Variants in ITSN1 observed in about 807,000 individuals in gnomAD.
ITSN1 encodes intersectin-1.
Under a neutral mutation model 239.8 loss-of-function variants are expected in ITSN1, and 58 were observed. The observed-to-expected ratio is 0.24, with a 90% confidence interval of 0.20 to 0.30. ITSN1 has a LOEUF of 0.30. ITSN1 is among the 10% of genes least tolerant of loss of function. The pLI is 1.00. For missense variants in ITSN1, 1,558 were observed against 2,103.3 expected, an observed-to-expected ratio of 0.74 and a Z score of 5.07; for synonymous variants, 780 against 770.8, an observed-to-expected ratio of 1.01 and a Z score of -0.20.
rs371706072 is a variant in ITSN1, at chr21:33,811,196, T to C, written c.2541T>C (p.Pro847=). The change falls in exon 21 of 40, where the codon CCT becomes CCC. Residue 847 remains proline, a synonymous_variant. Coordinates refer to ENST00000381318, the MANE Select transcript of ITSN1 (RefSeq NM_003024.3). Reference sequence around the variant, plus strand: ...CCTCTTCAGAGCCCTCCACGACCCCTAATAACTGGGCCGACTTCAGCTCCA... The same window carrying C: ...CCTCTTCAGAGCCCTCCACGACCCCCAATAACTGGGCCGACTTCAGCTCCA... ...AVTSSEPSTT[P]NNWADFSSTW... The C allele has an allele frequency of 2.4e-5, 38 of 1,576,484 alleles. No individual in the cohort carries two copies. The highest frequency in any genetic ancestry group is 2.9e-5 in the Non-Finnish European group (34 of 1,166,842).
At chr21:33,743,982 T>TTAA (rs768038501) in intron 5 of ITSN1, among the ~76,000 whole-genome samples, 16 of 152,308 alleles carry the variant, frequency 1.1e-4, no homozygotes, top group Non-Finnish European at 1.9e-4. Flanking sequence ...AAGGAATCTA[T>TTAA]TAGAGAATGT....
At chr21:33,812,414 T>C (rs565010626) in intron 21 of ITSN1, among the ~76,000 whole-genome samples, 7 of 152,368 alleles carry the variant, frequency 4.6e-5, no homozygotes, top group African/African-American at 1.4e-4. Context: ...TTTTCAGATT[T>C]GTTTGTATAT....
chr21:33,760,158 G>A (rs756258754), intron 8 of ITSN1, among the ~76,000 whole-genome samples: 2 of 151,722 alleles, frequency 1.3e-5, no homozygotes, highest in Non-Finnish European at 2.9e-5. Context: ...AATGAATTAG[G>A]ATGTAATGAC....
intron 16 of ITSN1, among the ~76,000 whole-genome samples, chr21:33,783,003 T>C (rs1005207768): frequency 3.9e-5 from 6 of 152,022 alleles, no homozygotes; most frequent in Admixed American, 1.3e-4. Context: ...CCAGCCTGGG[T>C]GACAGAGCAA....
chr21:33,721,844 T>G (rs1037762323), intron 3 of ITSN1: 1 of 152,050 alleles, frequency 6.6e-6, no homozygotes, highest in Non-Finnish European at 1.5e-5. Context: ...GAATTCACTT[T>G]ATAAAAAGTG....
At chr21:33,763,230 A>G (rs1217538053) in intron 9 of ITSN1, among the ~76,000 whole-genome samples, 1 of 27,936 alleles carries the variant, frequency 3.6e-5, no homozygotes, top group Non-Finnish European at 7.6e-5. Flanking sequence ...CCCCCCAACC[A>G]AAAAAAAAAA....
intron 31 of ITSN1, among the ~76,000 whole-genome samples, chr21:33,860,164 G>A (rs1980201432): frequency 6.6e-6 from 1 of 151,956 alleles, no homozygotes; most frequent in Admixed American, 6.5e-5. Flanking sequence ...AAAAGTAGCC[G>A]GGTGTGGTTG....
At chr21:33,699,368 G>A (rs1260056911) in intron 1 of ITSN1, among the ~76,000 whole-genome samples, 3 of 152,114 alleles carry the variant, frequency 2.0e-5, no homozygotes, top group African/African-American at 7.2e-5. Flanking sequence ...ATAAAAATCT[G>A]TTTCAAATAA....
At chr21:33,673,474 C>G (rs182967236) in intron 1 of ITSN1, among the ~76,000 whole-genome samples, 1 of 152,286 alleles carries the variant, frequency 6.6e-6, no homozygotes. Flanking sequence ...AACAAAACAT[C>G]GTGTCATGTA....
chr21:33,684,691 A>G (rs1177734483), intron 1 of ITSN1, among the ~76,000 whole-genome samples: 1 of 152,190 alleles, frequency 6.6e-6, no homozygotes, highest in Non-Finnish European at 1.5e-5. Flanking sequence ...CCTGATATTT[A>G]TATGATTCTT....
chr21:33,680,664 A>C (rs2090895262), intron 1 of ITSN1, among the ~76,000 whole-genome samples: 3 of 136,134 alleles, frequency 2.2e-5, no homozygotes, highest in Non-Finnish European at 1.6e-5. Flanking sequence ...TCTTTAAGGA[A>C]GGTTCCAAAT....
intron 5 of ITSN1, among the ~76,000 whole-genome samples, chr21:33,737,248 C>T (rs965569452): frequency 6.6e-6 from 1 of 152,280 alleles, no homozygotes; most frequent in Non-Finnish European, 1.5e-5. Context: ...GAAAGTTTTA[C>T]AGTCGTTAAG....
chr21:33,814,192 T>A, intron 22 of ITSN1, 120 bp downstream of exon 22: 2 of 1,075,844 alleles, frequency 1.9e-6, no homozygotes, highest in South Asian at 3.4e-5. Context: ...CTTGGTTGGC[T>A]GGCAGTATGG....
intron 1 of ITSN1, among the ~76,000 whole-genome samples, chr21:33,650,972 A>G (rs1016528378): frequency 3.9e-5 from 6 of 152,232 alleles, no homozygotes; most frequent in Non-Finnish European, 1.5e-5. Flanking sequence ...TTACAGGAGG[A>G]AGAAACTTGG....
chr21:33,846,761 G>A (rs2268252), intron 29 of ITSN1, among the ~76,000 whole-genome samples: 2,385 of 152,278 alleles, frequency 0.016, 65 homozygotes, highest in Admixed American at 0.06. Context: ...TCCCTGCTGC[G>A]TGTAGCCTGG....
chr21:33,655,524 A>G (rs1473783851), intron 1 of ITSN1, among the ~76,000 whole-genome samples: 1 of 151,524 alleles, frequency 6.6e-6, no homozygotes, highest in Non-Finnish European at 1.5e-5. Flanking sequence ...GGGTTCAAAC[A>G]ATCCCCCCAC....
intron 7 of ITSN1, 31 bp from the exon 8 acceptor site, chr21:33,755,266 C>T (rs2067829664): frequency 7.4e-7 from 1 of 1,352,358 alleles, no homozygotes; most frequent in East Asian, 2.3e-5. Context: ...TATGGATAAT[C>T]CTCTTTCTCT....
rs764771889 is a variant in ITSN1 at position 33,875,558 on chromosome 21, G to T, written c.4341+37G>T. ...TGGGGCTGGGCCCTGGTCTCCCCCG[G>T]CAGAGCCTCGCCTGCCAGCCTGGAG... On this transcript the variant is annotated intron_variant, in intron 34 of 39. Coordinates refer to ENST00000381318, the MANE Select transcript of ITSN1 (RefSeq NM_003024.3). 26 of 1,595,544 alleles carry T rather than the reference G, an allele frequency of 1.6e-5. 1 individual carries two copies. In the East Asian group the frequency reaches 4.7e-4, roughly 29 times the overall value.
intron 37 of ITSN1, 138 bp from the exon 38 acceptor site, chr21:33,885,301 A>G: frequency 3.0e-6 from 3 of 1,007,832 alleles, no homozygotes; most frequent in South Asian, 1.4e-5. Flanking sequence ...TCCAGGAGCA[A>G]GGAAGCAAGT....
Sources: gnomAD v4.1 joint callset for allele counts (sites outside exome capture counted in the v4.1 genomes callset) on GRCh38, gnomAD v4.1.1 for gene constraint, MANE v1.5 for transcripts, NCBI Gene and HGNC (gene_info 2026-07-23, HGNC 2026-07-21) for gene names.